Variants in ZBTB7C observed in about 807,000 individuals in gnomAD.
ZBTB7C encodes zinc finger and BTB domain containing 7C, also known as zinc finger and BTB domain-containing protein 7C.
A neutral mutation model predicts 25.7 loss-of-function variants in ZBTB7C; 8 were observed. The observed-to-expected ratio is 0.31, with a 90% CI of 0.18 to 0.56. ZBTB7C has a LOEUF of 0.56. Among genes scored for constraint, ZBTB7C ranks in the 20% least tolerant of loss-of-function variants. The pLI is 0.91. For missense variants in ZBTB7C, 824 were observed against 855.2 expected (o/e 0.96, Z 0.46); for synonymous variants, 394 against 369.0 (o/e 1.07, Z -0.78).
chr18:48,240,371 A>T (rs1483956507), intron 2 of ZBTB7C, among the ~76,000 whole-genome samples: 1 of 152,210 alleles, frequency 6.6e-6, no homozygotes, highest in East Asian at 1.9e-4. Context: ...TCACAAAAAG[A>T]TCATGACCTA....
intron 3 of ZBTB7C, among the ~76,000 whole-genome samples, chr18:48,091,873 G>C (rs1387253937): frequency 2.0e-5 from 3 of 152,104 alleles, no homozygotes; most frequent in Non-Finnish European, 4.4e-5. Flanking sequence ...TATCCCATTT[G>C]GCAGAGTCCA....
At chr18:48,083,434 C>G (rs75921430) in intron 3 of ZBTB7C, among the ~76,000 whole-genome samples, 2 of 151,820 alleles carry the variant, frequency 1.3e-5, no homozygotes. Flanking sequence ...CCCTGCCTGT[C>G]CTCACCCACC....
chr18:48,122,360 T>A (rs2039659560), intron 3 of ZBTB7C, among the ~76,000 whole-genome samples: 1 of 152,214 alleles, frequency 6.6e-6, no homozygotes, highest in Non-Finnish European at 1.5e-5. Context: ...CATTTTTTTC[T>A]CTTTTGTTAT....
At position 48,216,632 on chromosome 18, in the gene ZBTB7C, C is replaced by T. The variant is rs116249459; in HGVS notation, c.-78-30637G>A. Among the ~76,000 whole-genome samples, 335 of 152,224 alleles carry T rather than the reference C, an allele frequency of 2.2e-3. 1 individual carries two copies. Among genetic ancestry groups the T allele is most frequent in the African/African-American group, 7.8e-3 (322 of 41,526 alleles). On this transcript the variant is annotated intron_variant, in intron 2 of 4. Transcript: ENST00000590800. ...CAAGGCAAGTAGAAATCCTTTCCTG[C>T]TTCCTCCCCCTGACAACTTCTCATC...
intron 1 of ZBTB7C, among the ~76,000 whole-genome samples, chr18:48,408,866 C>A (rs575375432): frequency 6.6e-6 from 1 of 151,558 alleles, no homozygotes; most frequent in East Asian, 2.0e-4. Flanking sequence ...GCGGTGCCAG[C>A]CAGGAGGCGC....
At chr18:48,146,774 T>C (rs1029089101) in intron 3 of ZBTB7C, among the ~76,000 whole-genome samples, 1 of 152,170 alleles carries the variant, frequency 6.6e-6, no homozygotes, top group South Asian at 2.1e-4. Flanking sequence ...TCCAAGAAAA[T>C]TTTCAGCACA....
chr18:48,321,525 T>C (rs2144855936), intron 2 of ZBTB7C, among the ~76,000 whole-genome samples: 1 of 152,342 alleles, frequency 6.6e-6, no homozygotes, highest in Admixed American at 6.5e-5. Context: ...AGAAAAGCCC[T>C]GCAGCTCAGA....
At chr18:48,217,941 C>A (rs556430856) in intron 2 of ZBTB7C, among the ~76,000 whole-genome samples, 2 of 152,248 alleles carry the variant, frequency 1.3e-5, no homozygotes, top group African/African-American at 2.4e-5. Context: ...ATGAGCCACA[C>A]GGCTACCAAC....
At chr18:48,086,291 T>C (rs2038188661) in intron 3 of ZBTB7C, among the ~76,000 whole-genome samples, 2 of 152,194 alleles carry the variant, frequency 1.3e-5, no homozygotes, top group African/African-American at 4.8e-5. Context: ...ATACTATTAT[T>C]ATCATCCCCA....
rs368109430 is a variant in ZBTB7C, at chr18:48,063,664, AACAAGAAG to A, written c.-16-22549_-16-22542del. Among the ~76,000 whole-genome samples the A allele has an allele frequency of 3.4e-3, 512 of 152,356 alleles. 4 individuals carry two copies. The highest frequency in any genetic ancestry group is 0.012 in the African/African-American group (483 of 41,588). On this transcript the variant is annotated intron_variant, in intron 3 of 4. Transcript: ENST00000590800. Reference sequence around the variant, plus strand: ...GCCAATTGCCATGGCCAGCTTTCTCAACAAGAAGTGGTCTAGGTTTTCAACAGATGCTC... The same window carrying A: ...GCCAATTGCCATGGCCAGCTTTCTCATGGTCTAGGTTTTCAACAGATGCTC...
intron 2 of ZBTB7C, among the ~76,000 whole-genome samples, chr18:48,330,827 G>C (rs1198221904): frequency 1.3e-5 from 2 of 152,098 alleles, no homozygotes; most frequent in African/African-American, 2.4e-5. Context: ...CCCAGCTCCG[G>C]ACAGGTAGGA....
chr18:48,232,578 C>T (rs768985685), intron 2 of ZBTB7C, among the ~76,000 whole-genome samples: 5 of 152,134 alleles, frequency 3.3e-5, no homozygotes, highest in African/African-American at 9.7e-5. Flanking sequence ...TGTCCAAATT[C>T]CTGATCCACA....
At chr18:48,207,647 TTTCC>T (rs773312052) in intron 2 of ZBTB7C, among the ~76,000 whole-genome samples, 3,085 of 123,594 alleles carry the variant, frequency 0.025, 41 homozygotes, top group Non-Finnish European at 0.044. Context: ...AGAGACTGGA[TTTCC>T]CTATGTTGCC....
intron 2 of ZBTB7C, among the ~76,000 whole-genome samples, chr18:48,251,043 G>A (rs2043840745): frequency 6.6e-6 from 1 of 151,944 alleles, no homozygotes; most frequent in Admixed American, 6.6e-5. Context: ...AAGCAACATA[G>A]CAAGACCTTG....
chr18:48,287,212 T>C (rs138966495), intron 2 of ZBTB7C, among the ~76,000 whole-genome samples: 82 of 152,332 alleles, frequency 5.4e-4, no homozygotes, highest in African/African-American at 1.9e-3. Context: ...AATAGATGTT[T>C]ACAAATACTT....
In ZBTB7C at chr18:48,308,552, G is replaced by A. The variant is rs528568882; in HGVS notation, c.-79+29622C>T. ...GTCCTCTCAGCCAGAGTTTCCAATT[G>A]GACCAATACGTTTGTAAAATACAAT... On this transcript the variant is annotated intron_variant, in intron 2 of 4. Transcript: ENST00000590800. Among the ~76,000 whole-genome samples, 3 of 152,216 alleles carry A rather than the reference G, an allele frequency of 2.0e-5. No individual in the cohort carries two copies. In the East Asian group the frequency reaches 5.8e-4, roughly 29 times the overall value.
chr18:48,067,685 G>C (rs1274527141), intron 3 of ZBTB7C, among the ~76,000 whole-genome samples: 1 of 152,112 alleles, frequency 6.6e-6, no homozygotes, highest in Non-Finnish European at 1.5e-5. Flanking sequence ...CCTTACAATT[G>C]CACGAGCCAA....
intron 1 of ZBTB7C, among the ~76,000 whole-genome samples, chr18:48,405,898 C>G (rs1267008595): frequency 6.0e-5 from 9 of 151,254 alleles, no homozygotes; most frequent in African/African-American, 2.2e-4. Flanking sequence ...CTGTAGGATG[C>G]TGCACACAGG....
At chr18:48,359,831 G>A (rs2047061268) in intron 1 of ZBTB7C, among the ~76,000 whole-genome samples, 1 of 152,242 alleles carries the variant, frequency 6.6e-6, no homozygotes, top group South Asian at 2.1e-4. Context: ...GGGGAAGCGA[G>A]AGGCTAGAGA....
Sources: allele counts gnomAD v4.1 joint callset (sites outside exome capture counted in the v4.1 genomes callset), GRCh38; gene constraint gnomAD v4.1.1; transcripts MANE v1.5; gene names NCBI Gene and HGNC (gene_info 2026-07-23, HGNC 2026-07-21).